Variants in CAMTA1 observed in about 807,000 individuals in gnomAD.
CAMTA1 encodes the protein calmodulin binding transcription activator 1.
In CAMTA1, 27 loss-of-function variants were observed where a neutral mutation model predicts 170.9. That is an observed-to-expected ratio of 0.16 (90% CI 0.12 to 0.22). CAMTA1 has a LOEUF of 0.22. Ranked by LOEUF, CAMTA1 falls within the 10% of genes least tolerant of loss-of-function variation. CAMTA1 has a pLI of 1.00. For synonymous variants in CAMTA1, 833 were observed against 891.5 expected, an observed-to-expected ratio of 0.93 and a Z score of 1.17; for missense variants, 1,619 against 2,217.2, an observed-to-expected ratio of 0.73 and a Z score of 5.42.
chr1:7,048,554 G>T (rs1705782310), intron 3 of CAMTA1, among the ~76,000 whole-genome samples: 1 of 152,226 alleles, frequency 6.6e-6, no homozygotes, highest in Non-Finnish European at 1.5e-5. Flanking sequence ...GAGAGATTCT[G>T]CAGCACCTGC....
intron 5 of CAMTA1, among the ~76,000 whole-genome samples, chr1:7,264,178 C>T (rs1454850714): frequency 6.6e-6 from 1 of 152,172 alleles, no homozygotes; most frequent in East Asian, 1.9e-4. Flanking sequence ...CATGTGCAGA[C>T]AGGTGCCCTG....
At chr1:6,818,965 A>C (rs1352950921) in intron 1 of CAMTA1, among the ~76,000 whole-genome samples, 6 of 151,942 alleles carry the variant, frequency 3.9e-5, no homozygotes, top group Non-Finnish European at 5.9e-5. Flanking sequence ...ATTATTTTTA[A>C]AGATGAGGCC....
At chr1:7,288,424 G>C (rs995629418) in intron 5 of CAMTA1, among the ~76,000 whole-genome samples, 2 of 152,176 alleles carry the variant, frequency 1.3e-5, no homozygotes, top group Non-Finnish European at 2.9e-5. Context: ...TCTCTGCATT[G>C]TCCATAGCCC....
intron 4 of CAMTA1, among the ~76,000 whole-genome samples, chr1:7,111,023 C>T (rs1249761542): frequency 2.6e-5 from 4 of 152,240 alleles, no homozygotes. Context: ...GAGAATCCAT[C>T]TCTTCACCTC....
At chr1:7,121,134 C>T (rs547575893) in intron 4 of CAMTA1, among the ~76,000 whole-genome samples, 5 of 152,176 alleles carry the variant, frequency 3.3e-5, no homozygotes, top group East Asian at 1.9e-4. Flanking sequence ...CCTGGAGGAT[C>T]GAATATGGCA....
At chr1:7,231,361 G>A (rs1163537776) in intron 4 of CAMTA1, among the ~76,000 whole-genome samples, 1 of 151,542 alleles carries the variant, frequency 6.6e-6, no homozygotes, top group African/African-American at 2.4e-5. Context: ...GAGAGAGAGA[G>A]AGAGAGAGAG....
At position 7,293,560 on chromosome 1, in the gene CAMTA1, G is replaced by C. The variant is rs929769250; in HGVS notation, c.438+43934G>C. Reference sequence around the variant, plus strand: ...GCTTTCTTGCCATCCACTGGGAAATGTATTTATCACTACAGTTTGTATAAT... The same window carrying C: ...GCTTTCTTGCCATCCACTGGGAAATCTATTTATCACTACAGTTTGTATAAT... On this transcript the variant is annotated intron_variant, in intron 5 of 22. Coordinates refer to ENST00000303635, the MANE Select transcript of CAMTA1 (RefSeq NM_015215.4). This position sits in a 1 kb window ranked among gnomAD's most constrained non-coding sequence, Gnocchi z 4.1. Among the ~76,000 whole-genome samples the C allele has an allele frequency of 2.0e-5, 3 of 152,180 alleles. No homozygotes were observed. The highest frequency in any genetic ancestry group is 4.4e-5 in the Non-Finnish European group (3 of 68,036).
rs558209752 is a variant in CAMTA1, at chr1:7,463,900, T to C, written c.439-3930T>C. Among the ~76,000 whole-genome samples the C allele has an allele frequency of 6.6e-6, 1 of 152,386 alleles. No homozygotes were observed. Among genetic ancestry groups the C allele is most frequent in the African/African-American group, 2.4e-5 (1 of 41,594 alleles). ...CCCTTCAGAAACGCCACTTTCTTTT[T>C]TGAGGCATTTACTTTGAGCTGAAGG... On this transcript the variant is annotated intron_variant, in intron 5 of 22. Transcript: ENST00000303635. The surrounding 1 kb of genome is among the most constrained non-coding windows in gnomAD (Gnocchi z 4.7).
chr1:7,102,976 A>C (rs865956090), intron 4 of CAMTA1, among the ~76,000 whole-genome samples: 3 of 152,174 alleles, frequency 2.0e-5, no homozygotes, highest in Non-Finnish European at 2.9e-5. Flanking sequence ...GCATTGGGAC[A>C]TAGTGGTGGT....
intron 3 of CAMTA1, among the ~76,000 whole-genome samples, chr1:7,049,538 C>T (rs1383081955): frequency 6.6e-6 from 1 of 152,132 alleles, no homozygotes; most frequent in Non-Finnish European, 1.5e-5. Flanking sequence ...CTAACTGCAA[C>T]CTCTGCCTCC....
chr1:7,301,720 C>T (rs1161515077), intron 5 of CAMTA1, among the ~76,000 whole-genome samples: 2 of 152,174 alleles, frequency 1.3e-5, no homozygotes, highest in Admixed American at 1.3e-4. Flanking sequence ...CGCCCAGGTC[C>T]GGGGTGCTCC....
chr1:6,942,088 T>A (rs1686745200), intron 3 of CAMTA1, among the ~76,000 whole-genome samples: 2 of 151,578 alleles, frequency 1.3e-5, no homozygotes, highest in East Asian at 1.9e-4. Flanking sequence ...TTTTTTTTTT[T>A]AAAGAAATCT....
intron 1 of CAMTA1, among the ~76,000 whole-genome samples, chr1:6,809,537 G>A (rs1030251677): frequency 7.9e-5 from 12 of 152,104 alleles, no homozygotes; most frequent in African/African-American, 2.9e-4. Flanking sequence ...AGGGCTGTGA[G>A]GAGGTCTGGA....
At chr1:7,639,269 A>G (rs966861959) in intron 6 of CAMTA1, among the ~76,000 whole-genome samples, 5 of 152,286 alleles carry the variant, frequency 3.3e-5, no homozygotes, top group African/African-American at 1.2e-4. Flanking sequence ...ATAAGCCACC[A>G]CGCCCGGCCC....
chr1:7,330,347 G>A (rs1433431982), intron 5 of CAMTA1, among the ~76,000 whole-genome samples: 1 of 152,212 alleles, frequency 6.6e-6, no homozygotes, highest in African/African-American at 2.4e-5. Flanking sequence ...GGACCACGCG[G>A]CAGGAAGAGG....
intron 6 of CAMTA1, among the ~76,000 whole-genome samples, chr1:7,473,190 G>C (rs553439026): frequency 5.9e-5 from 9 of 152,168 alleles, no homozygotes; most frequent in Non-Finnish European, 1.0e-4. Context: ...GAAGGGCAAG[G>C]CTGCAGGGAG....
intron 6 of CAMTA1, among the ~76,000 whole-genome samples, chr1:7,507,352 A>G (rs1725243): frequency 0.36 from 54,888 of 151,864 alleles, 10,200 homozygotes; most frequent in Middle Eastern, 0.49. Context: ...CTCTGATGTG[A>G]GGAGCCGTCT....
At chr1:7,365,336 T>C (rs553308171) in intron 5 of CAMTA1, among the ~76,000 whole-genome samples, 15 of 152,356 alleles carry the variant, frequency 9.8e-5, no homozygotes, top group Non-Finnish European at 1.6e-4. Flanking sequence ...CCTGAATAGA[T>C]CACATTTTAT....
At chr1:7,106,604 A>C (rs550661465) in intron 4 of CAMTA1, among the ~76,000 whole-genome samples, 2 of 152,108 alleles carry the variant, frequency 1.3e-5, no homozygotes, top group South Asian at 4.2e-4. Context: ...CTTTAAAATA[A>C]TTTTTAACCG....
Sources: allele counts gnomAD v4.1 joint callset (sites outside exome capture counted in the v4.1 genomes callset), GRCh38; gene constraint gnomAD v4.1.1; non-coding constraint Gnocchi (gnomAD v3.1); transcripts MANE v1.5; gene names NCBI Gene and HGNC (gene_info 2026-07-23, HGNC 2026-07-21).